P2RY2: variants seen among roughly 807,000 people sequenced by gnomAD.
P2RY2 encodes P2Y purinoceptor 2.
For missense variants in P2RY2, 567 were observed against 515.7 expected (o/e 1.10, Z -0.96); for synonymous variants, 241 against 231.9 (o/e 1.04, Z -0.35).
intron 1 of P2RY2, among the ~76,000 whole-genome samples, chr11:73,225,340 G>C (rs1335448556): frequency 3.3e-5 from 5 of 152,272 alleles, no homozygotes; most frequent in African/African-American, 1.2e-4. Context: ...AGGTCAGGGG[G>C]TTACAGGTCT....
rs1316568270 is a variant in P2RY2, at chr11:73,228,181, T to TCGG, written c.-5+6_-5+7insCGG. On this transcript the variant is annotated splice_region_variant and intron_variant, in intron 2 of 2. Transcript: ENST00000393597. ...GGAGAGCAGGGGCTGGTCAGGTACG[T>TCGG]GGGGTGGGGGTGGGGGGGAGCGGGT... The TCGG allele has an allele frequency of 2.5e-4, 25 of 101,122 alleles. No individual in the cohort carries two copies. Among genetic ancestry groups the TCGG allele is most frequent in the African/African-American group, 1.8e-3 (24 of 13,170 alleles). The allele number at this position is 101,122 out of a possible 1,614,324, so 6.3% of individuals were successfully genotyped here. A position where few individuals can be genotyped will look rare whatever the true frequency, so the allele number is the denominator to read the frequency against.
rs1565148750 is a variant in P2RY2, at chr11:73,239,014, G to A, written c.*3721G>A. 6.6e-6 allele frequency: 1 copy of A among 152,256 alleles called. No individual in the cohort carries two copies. The highest frequency in any genetic ancestry group is 1.5e-5 in the Non-Finnish European group (1 of 68,046). 9.4% of individuals were successfully genotyped at this position (152,256 alleles called of 1,614,324 possible). On this transcript the variant is annotated 3_prime_UTR_variant, in exon 3 of 3. Coordinates refer to ENST00000393597, the MANE Select transcript of P2RY2 (RefSeq NM_002564.4). ...CTCAGTTTTCCCATTTCTAAAGTGT[G>A]CTGCTACCTTCCATGCAGGGCGTTG... is the stretch of plus-strand genomic sequence containing the variant.
chr11:73,237,946 C>G lies in P2RY2; in HGVS notation c.*2653C>G, dbSNP rs548607707. ...TATTACCCTCCAATATTCCCTGCCC[C>G]CTTCACACCTCCCTAACCTGACATC... On this transcript the variant is annotated 3_prime_UTR_variant, in exon 3 of 3. Coordinates refer to ENST00000393597, the MANE Select transcript of P2RY2 (RefSeq NM_002564.4). 6.6e-6 allele frequency among the ~76,000 whole-genome samples: 1 copy of G among 152,344 alleles called. No individual in the cohort carries two copies. The highest frequency in any genetic ancestry group is 2.4e-5 in the African/African-American group (1 of 41,586).
In P2RY2 at chr11:73,227,914, G is replaced by C. The variant is rs542698019; in HGVS notation, c.-199-67G>C. 2.0e-5 allele frequency: 3 copies of C among 152,354 alleles called. No individual in the cohort carries two copies. The East Asian group carries it at 5.8e-4, about 29-fold the overall frequency. The allele number at this position is 152,354 out of a possible 1,614,324, so 9.4% of individuals were successfully genotyped here. On this transcript the variant is annotated intron_variant, in intron 1 of 2. Coordinates refer to ENST00000393597, the MANE Select transcript of P2RY2 (RefSeq NM_002564.4). ...TTACCACAAAGGAGGTGGCCCTGGGGGGGATTGACCTGGGTAGGTTTCCAT... is the reference window on the plus strand; with the variant it reads ...TTACCACAAAGGAGGTGGCCCTGGGCGGGATTGACCTGGGTAGGTTTCCAT...
rs994567271 is a variant in P2RY2 at position 73,228,084 on chromosome 11, G to C, written c.-96G>C. ...TTTCCTGTTTCCCGCAGAGTTCCCT[G>C]CAGCCCGGTCCAGGTCCAGGCGTGT... On this transcript the variant is annotated 5_prime_UTR_variant, in exon 2 of 3. Coordinates refer to ENST00000393597, the MANE Select transcript of P2RY2 (RefSeq NM_002564.4). 14 of 151,970 alleles carry C rather than the reference G, an allele frequency of 9.2e-5. No individual in the cohort carries two copies. Among genetic ancestry groups the C allele is most frequent in the African/African-American group, 3.4e-4 (14 of 41,298 alleles). 9.4% of individuals were successfully genotyped at this position (151,970 alleles called of 1,614,324 possible). A position where few individuals can be genotyped will look rare whatever the true frequency, so the allele number is the denominator to read the frequency against.
At chr11:73,220,525 T>C (rs923905003) in intron 1 of P2RY2, among the ~76,000 whole-genome samples, 1 of 152,168 alleles carries the variant, frequency 6.6e-6, no homozygotes, top group Admixed American at 6.5e-5. Flanking sequence ...GCTGAGGAAT[T>C]TGGGGACCTG....
Position 73,235,067 on chromosome 11 carries a change from C to G in P2RY2, c.908C>G (p.Pro303Arg). 1 of 1,608,090 alleles carries G rather than the reference C, an allele frequency of 6.2e-7. No individual in the cohort carries two copies. The highest frequency in any genetic ancestry group is 8.5e-7 in the Non-Finnish European group (1 of 1,179,626). The change falls in exon 3 of 3, where the codon CCC becomes CGC. Residue 303 changes from proline (P) to arginine (R), a missense_variant. Physicochemically the swap from Pro to Arg is moderately radical, Grantham distance 103. Transcript: ENST00000393597. ...GCCAGTGCTAACAGTTGCCTTGACC[C>G]CGTGCTCTACTTCCTGGCTGGGCAG... Reference protein sequence around the residue: ...PLASANSCLDPVLYFLAGQRL... With the variant: ...PLASANSCLDRVLYFLAGQRL...
chr11:73,234,492 C>T lies in P2RY2; in HGVS notation c.333C>T (p.Phe111=). The part of the protein sequence containing the change: ...FSTVLCKLVR[F]LFYTNLYCSI... ...CGGTGCTCTGCAAGCTGGTGCGCTTCCTCTTCTACACCAACCTTTACTGCA... is the reference window on the plus strand; with the variant it reads ...CGGTGCTCTGCAAGCTGGTGCGCTTTCTCTTCTACACCAACCTTTACTGCA... The change falls in exon 3 of 3, where the codon TTC becomes TTT. Residue 111 remains phenylalanine (F), a synonymous_variant. Transcript: ENST00000393597. 6.2e-7 allele frequency: 1 copy of T among 1,614,102 alleles called. No individual in the cohort carries two copies. Among genetic ancestry groups the T allele is most frequent in the African/African-American group, 1.3e-5 (1 of 75,068 alleles).
chr11:73,233,611 G>A (rs1233769938), intron 2 of P2RY2, among the ~76,000 whole-genome samples: 2 of 152,230 alleles, frequency 1.3e-5, no homozygotes, highest in Admixed American at 1.3e-4. Context: ...AGAGGGGTAA[G>A]AAAACTTCAA....
intron 2 of P2RY2, among the ~76,000 whole-genome samples, chr11:73,233,283 G>T (rs1862512948): frequency 1.3e-5 from 2 of 152,238 alleles, no homozygotes; most frequent in Non-Finnish European, 2.9e-5. Context: ...AGAGGAAGAT[G>T]TAAAAAGTGA....
intron 2 of P2RY2, among the ~76,000 whole-genome samples, chr11:73,232,001 G>A (rs1862473545): frequency 6.6e-6 from 1 of 152,176 alleles, no homozygotes; most frequent in African/African-American, 2.4e-5. Context: ...AGTGAGCCGA[G>A]ATCAGGCCAT....
At position 73,238,559 on chromosome 11, in the gene P2RY2, A is replaced by G. The variant is rs1862708284; in HGVS notation, c.*3266A>G. 6.6e-6 allele frequency among the ~76,000 whole-genome samples: 1 copy of G among 152,194 alleles called. No homozygotes were observed. Among genetic ancestry groups the G allele is most frequent in the African/African-American group, 2.4e-5 (1 of 41,446 alleles). ...GCAGATTTGGGCTGCTCTGTTTAGA[A>G]TCAGGCACATGAGGGAGGGAAGTCG... On this transcript the variant is annotated 3_prime_UTR_variant, in exon 3 of 3. Coordinates refer to ENST00000393597, the MANE Select transcript of P2RY2 (RefSeq NM_002564.4).
chr11:73,235,825 C>G lies in P2RY2; in HGVS notation c.*532C>G, dbSNP rs546522891. On this transcript the variant is annotated 3_prime_UTR_variant, in exon 3 of 3. Coordinates refer to ENST00000393597, the MANE Select transcript of P2RY2 (RefSeq NM_002564.4). ...CTTAGCTCTGAGGAGTACCCCCAGC[C>G]CAAGAGATGAACATCTGGGGACTAA... 2.0e-6 allele frequency: 2 copies of G among 1,000,804 alleles called. No homozygotes were observed. Among genetic ancestry groups the G allele is most frequent in the South Asian group, 9.4e-5 (2 of 21,284 alleles). The allele number at this position is 1,000,804 out of a possible 1,614,324, so 62.0% of individuals were successfully genotyped here.
Position 73,235,799 on chromosome 11 carries a change from A to G in P2RY2, c.*506A>G. 1.0e-6 allele frequency: 1 copy of G among 1,001,314 alleles called. No individual in the cohort carries two copies. Among genetic ancestry groups the G allele is most frequent in the Non-Finnish European group, 1.2e-6 (1 of 830,862 alleles). 62.0% of individuals were successfully genotyped at this position (1,001,314 alleles called of 1,614,324 possible). ...TGGAATGGACTGGGTGCCACGGTGG[A>G]CTTAGCTCTGAGGAGTACCCCCAGC... On this transcript the variant is annotated 3_prime_UTR_variant, in exon 3 of 3. Transcript: ENST00000393597.
Position 73,235,191 on chromosome 11 carries a change from T to G in P2RY2, c.1032T>G (p.Thr344=). The change falls in exon 3 of 3, where the codon ACT becomes ACG. Residue 344 remains threonine (T), a synonymous_variant. Transcript: ENST00000393597. The part of the protein sequence containing the change: ...RRLGLRRSDR[T]DMQRIEDVLG... Reference sequence around the variant, plus strand: ...TGGGCCTGCGCAGATCCGACAGAACTGACATGCAGAGGATAGAAGATGTGT... The same window carrying G: ...TGGGCCTGCGCAGATCCGACAGAACGGACATGCAGAGGATAGAAGATGTGT... The G allele has an allele frequency of 6.2e-7, 1 of 1,612,360 alleles. No homozygotes were observed. Among genetic ancestry groups the G allele is most frequent in the Non-Finnish European group, 8.5e-7 (1 of 1,179,704 alleles).
intron 1 of P2RY2, among the ~76,000 whole-genome samples, chr11:73,226,742 C>T (rs1862289103): frequency 6.6e-6 from 1 of 152,162 alleles, no homozygotes; most frequent in Non-Finnish European, 1.5e-5. Flanking sequence ...AGGTCCCCTC[C>T]ACCAGGCAAC....
chr11:73,234,727 G>A lies in P2RY2; in HGVS notation c.568G>A (p.Glu190Lys), dbSNP rs770109291. 8 of 1,609,210 alleles carry A rather than the reference G, an allele frequency of 5.0e-6. No homozygotes were observed. The African/African-American group carries it at 1.1e-4, about 21-fold the overall frequency. ...RVTCHDTSAP[E>K]LFSRFVAYSS... ...AACCTGCCACGACACCTCGGCACCCGAGCTCTTCAGCCGCTTCGTGGCCTA... is the reference window on the plus strand; with the variant it reads ...AACCTGCCACGACACCTCGGCACCCAAGCTCTTCAGCCGCTTCGTGGCCTA... The change falls in exon 3 of 3, where the codon GAG (glutamate) becomes AAG (lysine). Residue 190 changes from glutamate (E) to lysine (K), a missense_variant. Physicochemically the swap from Glu to Lys is moderately conservative, Grantham distance 56. Coordinates refer to ENST00000393597, the MANE Select transcript of P2RY2 (RefSeq NM_002564.4).
intron 1 of P2RY2, among the ~76,000 whole-genome samples, chr11:73,223,004 T>C (rs967817901): frequency 6.6e-6 from 1 of 152,354 alleles, no homozygotes; most frequent in South Asian, 2.1e-4. Flanking sequence ...TTGTGGTTCC[T>C]GGGAATGTGA....
rs1565147246 is a variant in P2RY2, at chr11:73,236,472, G to A, written c.*1179G>A. ...GGGTCAGGGAAGGGTTCCTGGAGTG[G>A]GAGACTCCTGAGCTGTAGCTTCTGA... On this transcript the variant is annotated 3_prime_UTR_variant, in exon 3 of 3. Coordinates refer to ENST00000393597, the MANE Select transcript of P2RY2 (RefSeq NM_002564.4). 2 of 853,752 alleles carry A rather than the reference G, an allele frequency of 2.3e-6. No individual in the cohort carries two copies. Among genetic ancestry groups the A allele is most frequent in the Non-Finnish European group, 1.4e-6 (1 of 708,344 alleles). 52.9% of individuals were successfully genotyped at this position (853,752 alleles called of 1,614,324 possible). A position where few individuals can be genotyped will look rare whatever the true frequency, so the allele number is the denominator to read the frequency against.
Sources: allele counts gnomAD v4.1 joint callset (sites outside exome capture counted in the v4.1 genomes callset), GRCh38; gene constraint gnomAD v4.1.1; transcripts MANE v1.5; gene names NCBI Gene and HGNC (gene_info 2026-07-23, HGNC 2026-07-21).